The following RANBP17 variants were observed in gnomAD, a reference collection of about 807,000 sequenced individuals.
The protein encoded by RANBP17 is RAN binding protein 17, also known as ran-binding protein 17.
A neutral mutation model predicts 141.2 loss-of-function variants in RANBP17; 158 were observed. That is an observed-to-expected ratio of 1.12 (90% confidence interval 0.98 to 1.28). The LOEUF (loss-of-function observed/expected upper bound fraction) is 1.28. Among genes scored for constraint, RANBP17 ranks in the 50% most tolerant of loss-of-function variants. The pLI is 0.00. For synonymous variants in RANBP17, 430 were observed against 450.0 expected (o/e 0.96, Z 0.56); for missense variants, 1,438 against 1,290.7 (o/e 1.11, Z -1.75).
At chr5:171,138,539 CAAAAA>C (rs532709660) in intron 14 of RANBP17, among the ~76,000 whole-genome samples, 1 of 98,006 alleles carries the variant, frequency 1.0e-5, no homozygotes, top group Non-Finnish European at 2.2e-5. Context: ...TTCCCTACTG[CAAAAA>C]AAAAAAAAAA....
chr5:171,212,621 A>G (rs1343809383), intron 20 of RANBP17, among the ~76,000 whole-genome samples: 1 of 152,214 alleles, frequency 6.6e-6, no homozygotes, highest in African/African-American at 2.4e-5. Flanking sequence ...GAAAATTGTG[A>G]TGACCTCACC....
At chr5:171,156,256 T>G (rs1758887155) in intron 14 of RANBP17, among the ~76,000 whole-genome samples, 1 of 152,124 alleles carries the variant, frequency 6.6e-6, no homozygotes, top group South Asian at 2.1e-4. Context: ...TATAATTTAT[T>G]TTAAGTAACT....
At chr5:171,096,165 A>G (rs540213179) in intron 14 of RANBP17, among the ~76,000 whole-genome samples, 71 of 152,252 alleles carry the variant, frequency 4.7e-4, no homozygotes, top group African/African-American at 1.6e-3. Flanking sequence ...TCTGCATATA[A>G]GTGGACCCGC....
intron 14 of RANBP17, among the ~76,000 whole-genome samples, chr5:171,155,094 A>AAAAAAT (rs34090443): frequency 1.1e-4 from 8 of 74,984 alleles, no homozygotes; most frequent in African/African-American, 2.1e-4. Context: ...AAAAAAAAAA[A>AAAAAAT]ATATATATAT....
At chr5:170,956,428 G>A (rs1250806682) in intron 13 of RANBP17, among the ~76,000 whole-genome samples, 1 of 151,728 alleles carries the variant, frequency 6.6e-6, no homozygotes. Context: ...AATCTTCATG[G>A]ACCATGAATA....
chr5:171,166,668 T>C (rs963204394), intron 14 of RANBP17, among the ~76,000 whole-genome samples: 1 of 152,318 alleles, frequency 6.6e-6, no homozygotes, highest in East Asian at 1.9e-4. Flanking sequence ...AAATTACTTC[T>C]CACTCCCAAA....
At chr5:170,931,655 T>C (rs1773396952) in intron 12 of RANBP17, among the ~76,000 whole-genome samples, 1 of 152,214 alleles carries the variant, frequency 6.6e-6, no homozygotes, top group Non-Finnish European at 1.5e-5. Context: ...CACCGTTTAT[T>C]AAGTAGGGAA....
At chr5:170,878,301 A>G in intron 2 of RANBP17, 58 bp downstream of exon 2, 2 of 1,400,700 alleles carry the variant, frequency 1.4e-6, no homozygotes, top group Non-Finnish European at 9.6e-7. Context: ...TGTCATTGTT[A>G]ATGAACTCGT....
At chr5:170,980,550 G>A (rs1028068389) in intron 14 of RANBP17, among the ~76,000 whole-genome samples, 3 of 152,202 alleles carry the variant, frequency 2.0e-5, no homozygotes, top group Non-Finnish European at 4.4e-5. Flanking sequence ...TGGCTGAAAG[G>A]GGCCAATGTA....
chr5:170,992,242 T>C (rs1400127511), intron 14 of RANBP17, among the ~76,000 whole-genome samples: 2 of 152,004 alleles, frequency 1.3e-5, no homozygotes, highest in Non-Finnish European at 2.9e-5. Flanking sequence ...GTAGTAGTCA[T>C]GAAATAAACT....
chr5:171,056,335 T>C (rs113349913), intron 14 of RANBP17, among the ~76,000 whole-genome samples: 10 of 152,080 alleles, frequency 6.6e-5, no homozygotes, highest in African/African-American at 2.4e-4. Flanking sequence ...TAAACCACCT[T>C]TTAAAGAGGA....
intron 14 of RANBP17, among the ~76,000 whole-genome samples, chr5:170,996,508 A>G (rs958583395): frequency 6.6e-6 from 1 of 152,128 alleles, no homozygotes; most frequent in African/African-American, 2.4e-5. Context: ...AATATGAAGA[A>G]AGTTTTCTGT....
intron 11 of RANBP17, among the ~76,000 whole-genome samples, chr5:170,923,233 T>G (rs1216662703): frequency 1.3e-5 from 2 of 152,170 alleles, no homozygotes; most frequent in African/African-American, 4.8e-5. Context: ...AGATGACCAG[T>G]TATTTCAACA....
In RANBP17 at chr5:171,002,207, G is replaced by A. The variant is rs182085018; in HGVS notation, c.1710+33830G>A. 7.2e-5 allele frequency among the ~76,000 whole-genome samples: 11 copies of A among 152,300 alleles called. No individual in the cohort carries two copies. In the East Asian group the frequency reaches 1.9e-3, roughly 27 times the overall value. On this transcript the variant is annotated intron_variant, in intron 14 of 27. Transcript: ENST00000523189. The stretch of plus-strand genomic sequence containing the variant: ...AGAATAGAATGGGCCTGTGAGGCTG[G>A]AAGGAGATATTTTCCTTGGTCCAAG...
At chr5:171,240,255 A>T (rs1764783307) in intron 22 of RANBP17, among the ~76,000 whole-genome samples, 1 of 152,210 alleles carries the variant, frequency 6.6e-6, no homozygotes, top group South Asian at 2.1e-4. Context: ...GTACTACAGA[A>T]GATTTTAGGG....
At chr5:171,250,054 A>G (rs1194435629) in intron 24 of RANBP17, among the ~76,000 whole-genome samples, 1 of 152,242 alleles carries the variant, frequency 6.6e-6, no homozygotes, top group Non-Finnish European at 1.5e-5. Flanking sequence ...CATCAGGCTA[A>G]CAGTGGATTT....
intron 14 of RANBP17, among the ~76,000 whole-genome samples, chr5:171,088,084 AT>A (rs1785836938): frequency 6.6e-6 from 1 of 151,428 alleles, no homozygotes; most frequent in African/African-American, 2.4e-5. Flanking sequence ...TTTTGGCATG[AT>A]TTTGCAGCGG....
At chr5:170,912,206 T>C (rs1397030036) in intron 7 of RANBP17, among the ~76,000 whole-genome samples, 1 of 151,852 alleles carries the variant, frequency 6.6e-6, no homozygotes. Flanking sequence ...CATGAACCAA[T>C]ACATGTAATA....
chr5:171,004,954 G>A (rs945853838), intron 14 of RANBP17, among the ~76,000 whole-genome samples: 6 of 152,206 alleles, frequency 3.9e-5, no homozygotes, highest in African/African-American at 9.6e-5. Flanking sequence ...TTCCTACAGC[G>A]GAGGCAAGTA....
Sources: allele counts gnomAD v4.1 joint callset (sites outside exome capture counted in the v4.1 genomes callset), GRCh38; gene constraint gnomAD v4.1.1; transcripts MANE v1.5; gene names NCBI Gene and HGNC (gene_info 2026-07-23, HGNC 2026-07-21).